The following ART3 variants were observed in gnomAD, a reference collection of about 807,000 sequenced individuals.
The protein encoded by ART3 is ecto-ADP-ribosyltransferase 3.
A neutral mutation model predicts 48.5 loss-of-function variants in ART3; 49 were observed. The observed-to-expected ratio is 1.01, with a 90% confidence interval of 0.80 to 1.28. The LOEUF is 1.28. Ranked by LOEUF, ART3 falls within the 50% of genes most tolerant of loss-of-function variation. ART3 has a pLI of 0.00. For synonymous variants in ART3, 145 were observed against 157.2 expected, an observed-to-expected ratio of 0.92 and a Z score of 0.58; for missense variants, 438 against 454.3, an observed-to-expected ratio of 0.96 and a Z score of 0.33.
chr4:76,018,920 G>A lies in ART3; in HGVS notation c.-10+7600G>A, dbSNP rs535982838. ...AGCTGGCGTGGTGGCACATGCCTGT[G>A]GTCCTAGCTACATGGGAGGCAGAGG... On this transcript the variant is annotated intron_variant, in intron 1 of 9. Coordinates refer to the ART3 transcript ENST00000341029. 5.5e-4 allele frequency among the ~76,000 whole-genome samples: 83 copies of A among 151,928 alleles called. 1 individual carries two copies. The highest frequency in any genetic ancestry group is 1.8e-3 in the African/African-American group (75 of 41,432).
In ART3 at chr4:76,112,655, C is replaced by A; in HGVS notation, c.*136C>A. On this transcript the variant is annotated 3_prime_UTR_variant, in exon 12 of 12. Coordinates refer to ENST00000355810, the MANE Select transcript of ART3 (RefSeq NM_001130016.3). ...AAATGAGAATTGTATATTTGTTATTCATTTTGCAAATTCAGAAAGTTGGTC... is the reference window on the plus strand; with the variant it reads ...AAATGAGAATTGTATATTTGTTATTAATTTTGCAAATTCAGAAAGTTGGTC... 2 of 1,072,214 alleles carry A rather than the reference C, an allele frequency of 1.9e-6. No homozygotes were observed. Among genetic ancestry groups the A allele is most frequent in the Non-Finnish European group, 1.3e-6 (1 of 794,884 alleles). The allele number at this position is 1,072,214 out of a possible 1,614,324, so 66.4% of individuals were successfully genotyped here.
intron 11 of ART3, among the ~76,000 whole-genome samples, chr4:76,110,077 T>A (rs1463793417): frequency 6.6e-6 from 1 of 151,634 alleles, no homozygotes; most frequent in Non-Finnish European, 1.5e-5. Context: ...AAAGAGTTTC[T>A]CCAGCAGTGT....
At chr4:76,109,390 C>T (rs191235279) in intron 11 of ART3, among the ~76,000 whole-genome samples, 487 of 152,190 alleles carry the variant, frequency 3.2e-3, no homozygotes, top group Middle Eastern at 0.014. Flanking sequence ...GGGGTAGTAA[C>T]GTGCATGGAA....
intron 1 of ART3, chr4:76,035,943 A>G (rs1260013883): frequency 2.5e-6 from 4 of 1,613,850 alleles, no homozygotes; most frequent in East Asian, 2.2e-5. Flanking sequence ...CAACTGTAGC[A>G]CACAATATCA....
chr4:76,016,933 A>C (rs1380136304), intron 1 of ART3, among the ~76,000 whole-genome samples: 1 of 150,134 alleles, frequency 6.7e-6, no homozygotes, highest in Non-Finnish European at 1.5e-5. Flanking sequence ...CAGTCTGCTT[A>C]TGGTGAATGC....
In ART3 at chr4:76,082,362, T is replaced by A. The variant is rs777718548; in HGVS notation, c.608T>A (p.Ile203Asn). Residue 203 changes from isoleucine (I) to asparagine (N), a missense_variant, in exon 3 of 12, where the codon ATC (isoleucine) becomes AAC (asparagine). Physicochemically the swap from Ile to Asn is moderately radical, Grantham distance 149 (BLOSUM62 -3). Transcript: ENST00000355810. ...AATGACCAGCTCACTGTGTTATCCATCTACACATGCCTTGGAGTTGACATT... is the reference window on the plus strand; with the variant it reads ...AATGACCAGCTCACTGTGTTATCCAACTACACATGCCTTGGAGTTGACATT... ...AANDQLTVLS[I>N]YTCLGVDIEN... 1 of 1,614,214 alleles carries A rather than the reference T, an allele frequency of 6.2e-7. No homozygotes were observed. The highest frequency in any genetic ancestry group is 8.5e-7 in the Non-Finnish European group (1 of 1,180,052).
intron 3 of ART3, among the ~76,000 whole-genome samples, chr4:76,090,817 A>G (rs79522610): frequency 0.013 from 2,048 of 152,328 alleles, 39 homozygotes; most frequent in African/African-American, 0.046. Flanking sequence ...GTATATGCCA[A>G]TGAAATCATC....
At chr4:76,044,323 A>G (rs1735284914) in intron 1 of ART3, among the ~76,000 whole-genome samples, 1 of 152,058 alleles carries the variant, frequency 6.6e-6, no homozygotes, top group Admixed American at 6.6e-5. Flanking sequence ...TTCTTCCCCT[A>G]AGAAGGTGCA....
chr4:76,049,749 T>C (rs1388196235), intron 1 of ART3, among the ~76,000 whole-genome samples: 8 of 151,884 alleles, frequency 5.3e-5, no homozygotes, highest in Admixed American at 5.2e-4. Context: ...GCGATGGTCT[T>C]ACCGCTCGGC....
intron 1 of ART3, among the ~76,000 whole-genome samples, chr4:76,053,190 C>T (rs1459603876): frequency 1.3e-5 from 2 of 152,178 alleles, no homozygotes; most frequent in East Asian, 3.8e-4. Flanking sequence ...CCTGTTCATG[C>T]TGATCACGTA....
intron 1 of ART3, among the ~76,000 whole-genome samples, chr4:76,040,100 G>A (rs1035744462): frequency 6.6e-6 from 1 of 152,182 alleles, no homozygotes; most frequent in Non-Finnish European, 1.5e-5. Context: ...CGAGGCAGGC[G>A]GATCACTTGA....
intron 1 of ART3, chr4:76,035,826 A>G: frequency 9.3e-7 from 1 of 1,077,990 alleles, no homozygotes; most frequent in Non-Finnish European, 1.4e-6. Flanking sequence ...TGTGAGATTA[A>G]ATAAAACTTT....
chr4:76,035,804 T>C, intron 1 of ART3: 2 of 812,368 alleles, frequency 2.5e-6, no homozygotes. Flanking sequence ...AAAGCTGTAG[T>C]AACTTCTAAT....
In ART3 at chr4:76,081,943, C is replaced by T; in HGVS notation, c.189C>T (p.His63=). The part of the protein sequence containing the change: ...PQLLKEEKAS[H]QQLDTVWENA... Reference sequence around the variant, plus strand: ...TGCTAAAGGAGGAAAAAGCAAGCCACCAGCAATTAGATACTGTGTGGGAAA... The same window carrying T: ...TGCTAAAGGAGGAAAAAGCAAGCCATCAGCAATTAGATACTGTGTGGGAAA... Residue 63 remains histidine (H), a synonymous_variant, in exon 3 of 12, where the codon CAC becomes CAT. Coordinates refer to ENST00000355810, the MANE Select transcript of ART3 (RefSeq NM_001130016.3). 2 of 1,614,140 alleles carry T rather than the reference C, an allele frequency of 1.2e-6. No individual in the cohort carries two copies. Among genetic ancestry groups the T allele is most frequent in the Non-Finnish European group, 1.7e-6 (2 of 1,180,034 alleles).
chr4:76,109,167 T>C (rs1729011767), intron 11 of ART3, among the ~76,000 whole-genome samples: 1 of 152,248 alleles, frequency 6.6e-6, no homozygotes, highest in South Asian at 2.1e-4. Context: ...GTAATAACAC[T>C]TAGCTTAAAA....
chr4:76,022,732 T>C (rs748534350), intron 1 of ART3: 2 of 1,613,844 alleles, frequency 1.2e-6, no homozygotes, highest in Admixed American at 1.7e-5. Context: ...CAGGAATAAT[T>C]TCAAGTTTTT....
At chr4:76,023,615 G>A in intron 1 of ART3, 3 of 523,554 alleles carry the variant, frequency 5.7e-6, no homozygotes. Context: ...TCCTGGGGAA[G>A]TCCCATGTTG....
intron 1 of ART3, among the ~76,000 whole-genome samples, chr4:76,039,115 T>C (rs1734716353): frequency 6.6e-6 from 1 of 151,402 alleles, no homozygotes; most frequent in African/African-American, 2.4e-5. Context: ...TTTTTTTTTT[T>C]TTGAGATGGA....
Position 76,112,732 on chromosome 4 carries a change from A to C in ART3, c.*213A>C. The C allele has an allele frequency of 2.3e-6, 1 of 430,874 alleles. No homozygotes were observed. Among genetic ancestry groups the C allele is most frequent in the Non-Finnish European group, 4.0e-6 (1 of 251,270 alleles). The allele number at this position is 430,874 out of a possible 1,614,324, so 26.7% of individuals were successfully genotyped here. On this transcript the variant is annotated 3_prime_UTR_variant, in exon 12 of 12. Transcript: ENST00000355810. ...TTGTATACTACTCTTACAATGGAAAAAAATCCCGAAAACTGTATACTTCTG... is the reference window on the plus strand; with the variant it reads ...TTGTATACTACTCTTACAATGGAAACAAATCCCGAAAACTGTATACTTCTG...
Sources: allele counts gnomAD v4.1 joint callset (sites outside exome capture counted in the v4.1 genomes callset), GRCh38; gene constraint gnomAD v4.1.1; transcripts MANE v1.5; gene names NCBI Gene and HGNC (gene_info 2026-07-23, HGNC 2026-07-21).